USP13: variants seen among roughly 807,000 people sequenced by gnomAD.
The protein encoded by USP13 is ubiquitin specific peptidase 13, also known as ubiquitin carboxyl-terminal hydrolase 13.
A neutral mutation model predicts 107.8 loss-of-function variants in USP13; 68 were observed. The ratio of observed to expected loss-of-function variants is 0.63; its 90% CI spans 0.52 to 0.77. The LOEUF (loss-of-function observed/expected upper bound fraction) is 0.77, where lower values mean the gene tolerates loss of function less well. USP13 is among the 30% of genes least tolerant of loss of function. The pLI is 0.00. For missense variants in USP13, 945 were observed against 1,093.3 expected (o/e 0.86, Z 1.91); for synonymous variants, 377 against 389.5 (o/e 0.97, Z 0.38).
At chr3:179,681,187 G>A (rs1443401441) in intron 1 of USP13, among the ~76,000 whole-genome samples, 2 of 152,188 alleles carry the variant, frequency 1.3e-5, no homozygotes, top group African/African-American at 2.4e-5. Flanking sequence ...GTGGGTGTCT[G>A]TGGAGCTGCC....
chr3:179,725,562 GTAGT>G (rs1380142261), intron 8 of USP13, among the ~76,000 whole-genome samples: 1 of 152,200 alleles, frequency 6.6e-6, no homozygotes, highest in Non-Finnish European at 1.5e-5. Context: ...GAAGTTTCTA[GTAGT>G]TAGGGAATCC....
At chr3:179,673,208 T>C (rs1244378662) in intron 1 of USP13, among the ~76,000 whole-genome samples, 1 of 152,206 alleles carries the variant, frequency 6.6e-6, no homozygotes, top group East Asian at 1.9e-4. Context: ...CCAGAGACTT[T>C]AAGTGGAAGC....
intron 1 of USP13, among the ~76,000 whole-genome samples, chr3:179,672,718 C>G (rs147216738): frequency 6.6e-6 from 1 of 152,184 alleles, no homozygotes; most frequent in Admixed American, 6.5e-5. Context: ...CCGGCCAGTG[C>G]TGCTCCTTTC....
intron 16 of USP13, 28 bp from the exon 17 acceptor site, chr3:179,761,084 C>T (rs770359971): frequency 2.5e-6 from 4 of 1,613,314 alleles, no homozygotes; most frequent in Non-Finnish European, 3.4e-6. Context: ...TCCTCTTTCA[C>T]ACTAGAATAT....
intron 19 of USP13, among the ~76,000 whole-genome samples, chr3:179,780,088 G>A (rs1364092154): frequency 1.3e-5 from 2 of 152,208 alleles, no homozygotes; most frequent in Admixed American, 1.3e-4. Context: ...TCCTCAACGT[G>A]ATAAAATGTA....
At chr3:179,688,078 T>TATCCATCCATCCATCCGTCCGTCCATCC (rs1560049143) in intron 2 of USP13, among the ~76,000 whole-genome samples, 2 of 87,416 alleles carry the variant, frequency 2.3e-5, no homozygotes, top group South Asian at 3.5e-4. Flanking sequence ...GTAATCAGGA[T>TATCCATCCATCCATCCGTCCGTCCATCC]ATCCATCCAT....
intron 8 of USP13, among the ~76,000 whole-genome samples, chr3:179,728,849 G>A (rs1220320721): frequency 1.3e-5 from 2 of 152,068 alleles, no homozygotes; most frequent in Admixed American, 1.3e-4. Context: ...AGGCGTGGCG[G>A]CGCGCGCCTA....
chr3:179,776,934 C>T (rs1715563260), intron 19 of USP13, among the ~76,000 whole-genome samples: 1 of 133,380 alleles, frequency 7.5e-6, no homozygotes, highest in Non-Finnish European at 1.5e-5. Flanking sequence ...GCTTCTCTCT[C>T]TGGTGAATTC....
chr3:179,755,059 C>T (rs1471440878), intron 15 of USP13, among the ~76,000 whole-genome samples: 1 of 151,946 alleles, frequency 6.6e-6, no homozygotes, highest in Non-Finnish European at 1.5e-5. Flanking sequence ...AGGCACAGAC[C>T]CATCATGTGT....
chr3:179,761,182 G>A lies in USP13; in HGVS notation c.2019G>A (p.Lys673=), dbSNP rs1460837656. 16 of 1,614,056 alleles carry A rather than the reference G, an allele frequency of 9.9e-6. No homozygotes were observed. In the South Asian group the frequency reaches 1.8e-4, roughly 18 times the overall value. Residue 673 remains lysine, a synonymous_variant, in exon 17 of 21, where the codon AAG becomes AAA. Coordinates refer to ENST00000263966, the MANE Select transcript of USP13 (RefSeq NM_003940.3). ...EMGFPLEACR[K]AVYFTGNMGA... Reference sequence around the variant, plus strand: ...GTTTCCCGCTGGAAGCATGTCGCAAGGCTGTGTACTTCACTGGAAATATGG... The same window carrying A: ...GTTTCCCGCTGGAAGCATGTCGCAAAGCTGTGTACTTCACTGGAAATATGG...
chr3:179,656,561 C>T (rs1720266848), intron 1 of USP13, among the ~76,000 whole-genome samples: 1 of 152,188 alleles, frequency 6.6e-6, no homozygotes. Context: ...ATTTGTTTTT[C>T]ACCTACCTCT....
chr3:179,776,145 G>A (rs1409283835), intron 19 of USP13, among the ~76,000 whole-genome samples: 1 of 152,132 alleles, frequency 6.6e-6, no homozygotes, highest in African/African-American at 2.4e-5. Context: ...GATGAACTAA[G>A]TTCATCCCCC....
chr3:179,698,978 C>T (rs989835178), intron 3 of USP13, among the ~76,000 whole-genome samples: 3 of 151,690 alleles, frequency 2.0e-5, no homozygotes, highest in African/African-American at 7.3e-5. Context: ...TAAGCAATTC[C>T]CTGCCTCATC....
chr3:179,756,952 G>C (rs1272561494), intron 15 of USP13, 100 bp from the exon 16 acceptor site: 2 of 1,237,406 alleles, frequency 1.6e-6, no homozygotes, highest in East Asian at 4.6e-5. Flanking sequence ...CCCAGGAGTG[G>C]GGAGGGCATT....
At chr3:179,716,199 C>T (rs933543721) in intron 6 of USP13, among the ~76,000 whole-genome samples, 1 of 152,316 alleles carries the variant, frequency 6.6e-6, no homozygotes, top group African/African-American at 2.4e-5. Context: ...GCTGGGATTA[C>T]AGGTGTGAGC....
At chr3:179,660,680 C>T (rs975390120) in intron 1 of USP13, among the ~76,000 whole-genome samples, 2 of 152,252 alleles carry the variant, frequency 1.3e-5, no homozygotes, top group Admixed American at 1.3e-4. Flanking sequence ...ATGAGACTTC[C>T]CATCATAATG....
At chr3:179,718,374 C>T (rs926342069) in intron 6 of USP13, among the ~76,000 whole-genome samples, 3 of 151,742 alleles carry the variant, frequency 2.0e-5, no homozygotes, top group African/African-American at 7.3e-5. Context: ...TTACTGTAGC[C>T]TCAAACTCCT....
intron 3 of USP13, among the ~76,000 whole-genome samples, chr3:179,698,958 C>A (rs560534783): frequency 1.3e-5 from 2 of 151,776 alleles, no homozygotes. Context: ...CAACCTCCTC[C>A]TCCTGGGTTT....
intron 1 of USP13, among the ~76,000 whole-genome samples, chr3:179,660,414 A>G (rs1720424359): frequency 6.6e-6 from 1 of 152,248 alleles, no homozygotes; most frequent in Admixed American, 6.5e-5. Context: ...TTCATTTAGC[A>G]TAATGTTATC....
Sources: gnomAD v4.1 joint callset for allele counts (sites outside exome capture counted in the v4.1 genomes callset) on GRCh38, gnomAD v4.1.1 for gene constraint, MANE v1.5 for transcripts, NCBI Gene and HGNC (gene_info 2026-07-23, HGNC 2026-07-21) for gene names.